Variants in PCDHGA12 observed in about 807,000 individuals in gnomAD.
The protein encoded by PCDHGA12 is protocadherin gamma subfamily A, 12.
Under a neutral mutation model 61.1 loss-of-function variants are expected in PCDHGA12, and 43 were observed. That is an observed-to-expected ratio of 0.70 (90% CI 0.55 to 0.91). The LOEUF (loss-of-function observed/expected upper bound fraction) is 0.91, where lower values mean the gene tolerates loss of function less well. Ranked by LOEUF, PCDHGA12 falls within the 40% of genes least tolerant of loss-of-function variation. The pLI, the probability that PCDHGA12 is intolerant of heterozygous loss-of-function variation, is 0.00. For synonymous variants in PCDHGA12, 520 were observed against 542.9 expected (o/e 0.96, Z 0.59); for missense variants, 1,236 against 1,227.7 (o/e 1.01, Z -0.10).
At chr5:141,488,594 C>T (rs1398982317) in intron 1 of PCDHGA12, among the ~76,000 whole-genome samples, 3 of 152,164 alleles carry the variant, frequency 2.0e-5, no homozygotes, top group African/African-American at 7.2e-5. Context: ...CAGGGCAAGA[C>T]TTTACAAGGT....
chr5:141,435,934 T>A (rs1311888999), intron 1 of PCDHGA12, among the ~76,000 whole-genome samples: 2 of 152,160 alleles, frequency 1.3e-5, no homozygotes, highest in Non-Finnish European at 2.9e-5. Flanking sequence ...CAGTTGCTGC[T>A]TCTGAGACCA....
At position 141,486,548 on chromosome 5, in the gene PCDHGA12, T is replaced by C; in HGVS notation, c.2425-8259T>C. 1 of 1,614,100 alleles carries C rather than the reference T, an allele frequency of 6.2e-7. No individual in the cohort carries two copies. ...TAATCCACCCTCTTTCTTTCAGAGG[T>C]CACATGAGGTGTTTGTTCCTGAGAA... is the stretch of plus-strand genomic sequence containing the variant. On this transcript the variant is annotated intron_variant, in intron 1 of 3. Coordinates refer to ENST00000252085, the MANE Select transcript of PCDHGA12 (RefSeq NM_003735.3). The surrounding 1 kb of genome is among the most constrained non-coding windows in gnomAD (Gnocchi z 5.0).
intron 2 of PCDHGA12, 114 bp from the exon 3 acceptor site, chr5:141,505,279 C>T: frequency 6.5e-7 from 1 of 1,541,274 alleles, no homozygotes; most frequent in Non-Finnish European, 8.7e-7. Context: ...AGAAACAGGT[C>T]TTGGGCATGG....
chr5:141,461,286 C>T (rs2099012487), intron 1 of PCDHGA12, among the ~76,000 whole-genome samples: 1 of 152,144 alleles, frequency 6.6e-6, no homozygotes, highest in Admixed American at 6.6e-5. Context: ...TTCCCCACAT[C>T]CACACCAACA....
intron 1 of PCDHGA12, chr5:141,441,746 C>A: frequency 5.4e-6 from 2 of 371,314 alleles, no homozygotes; most frequent in East Asian, 9.8e-5. Flanking sequence ...TCGCGCTCGG[C>A]GTCAACGTGA....
intron 1 of PCDHGA12, among the ~76,000 whole-genome samples, chr5:141,452,585 G>A (rs1310395736): frequency 6.6e-6 from 1 of 151,984 alleles, no homozygotes; most frequent in Non-Finnish European, 1.5e-5. Context: ...TTCCATCTTT[G>A]TATTTTTATT....
At chr5:141,488,578 G>A (rs1286219713) in intron 1 of PCDHGA12, among the ~76,000 whole-genome samples, 2 of 152,178 alleles carry the variant, frequency 1.3e-5, no homozygotes, top group Non-Finnish European at 2.9e-5. Flanking sequence ...AGCATTGCTG[G>A]AGAGTCAGGG....
rs2099883868 is a variant in PCDHGA12 at position 141,511,590 on chromosome 5, A to G, written c.*417A>G. On this transcript the variant is annotated 3_prime_UTR_variant, in exon 4 of 4. Transcript: ENST00000252085. The stretch of plus-strand genomic sequence containing the variant: ...AGTAAGGTGGTTGGGGTGTTGAAGT[A>G]CCAAGTAACCTACAAGCCTCCTAGT... 3.7e-6 allele frequency: 1 copy of G among 267,908 alleles called. No individual in the cohort carries two copies. The highest frequency in any genetic ancestry group is 7.4e-6 in the Non-Finnish European group (1 of 135,038). 16.6% of individuals were successfully genotyped at this position (267,908 alleles called of 1,614,324 possible). A position where few individuals can be genotyped will look rare whatever the true frequency, so the allele number is the denominator to read the frequency against.
In PCDHGA12 at chr5:141,491,797, G is replaced by T. The variant is rs537755017; in HGVS notation, c.2425-3010G>T. The stretch of plus-strand genomic sequence containing the variant: ...ATTGAACTTGCATCCACTCCTCTCC[G>T]GCCGGCTTGGTCGCTGGCTGCGCTC... On this transcript the variant is annotated intron_variant, in intron 1 of 3. Coordinates refer to ENST00000252085, the MANE Select transcript of PCDHGA12 (RefSeq NM_003735.3). The surrounding 1 kb of genome is among the most constrained non-coding windows in gnomAD (Gnocchi z 6.9). 2.0e-6 allele frequency: 3 copies of T among 1,506,818 alleles called. No homozygotes were observed. The highest frequency in any genetic ancestry group is 2.4e-5 in the Admixed American group (1 of 41,734). 93.3% of individuals were successfully genotyped at this position (1,506,818 alleles called of 1,614,324 possible). A position where few individuals can be genotyped will look rare whatever the true frequency, so the allele number is the denominator to read the frequency against.
rs1056696427 is a variant in PCDHGA12 at position 141,430,575 on chromosome 5, A to T, written c.-185A>T. ...ACCAATCGGGGAGAGAAAAGCGGAGATCCTGCTCGCCTTGCACGCGCCTGA... is the reference window on the plus strand; with the variant it reads ...ACCAATCGGGGAGAGAAAAGCGGAGTTCCTGCTCGCCTTGCACGCGCCTGA... On this transcript the variant is annotated 5_prime_UTR_variant, in exon 1 of 4. Transcript: ENST00000252085. 1 of 455,822 alleles carries T rather than the reference A, an allele frequency of 2.2e-6. No individual in the cohort carries two copies. The highest frequency in any genetic ancestry group is 3.7e-6 in the Non-Finnish European group (1 of 270,088). 28.2% of individuals were successfully genotyped at this position (455,822 alleles called of 1,614,324 possible).
chr5:141,495,642 C>T (rs1294293252), intron 2 of PCDHGA12, among the ~76,000 whole-genome samples: 1 of 152,208 alleles, frequency 6.6e-6, no homozygotes. Flanking sequence ...TTTCATTTGT[C>T]TACTTGCATT....
intron 2 of PCDHGA12, among the ~76,000 whole-genome samples, chr5:141,499,937 C>T (rs1257575594): frequency 6.6e-6 from 1 of 152,082 alleles, no homozygotes; most frequent in Non-Finnish European, 1.5e-5. Context: ...ATCCACCCTC[C>T]TCGGCCTCCC....
At chr5:141,444,152 ATTTTTTTTTTTTTTTTTTT>A (rs747671382) in intron 1 of PCDHGA12, among the ~76,000 whole-genome samples, 14 of 33,898 alleles carry the variant, frequency 4.1e-4, no homozygotes, top group South Asian at 3.1e-3. Flanking sequence ...TGTGTACTGG[ATTTTTTTTTTTTTTTTTTT>A]TTTTTTTTTT....
intron 1 of PCDHGA12, among the ~76,000 whole-genome samples, chr5:141,482,793 C>T (rs900216099): frequency 3.9e-5 from 5 of 128,974 alleles, no homozygotes; most frequent in Non-Finnish European, 8.1e-5. Flanking sequence ...TGTGTGTGGC[C>T]GGGTACGGTG....
At position 141,490,664 on chromosome 5, in the gene PCDHGA12, C is replaced by T; in HGVS notation, c.2425-4143C>T. 6.2e-7 allele frequency: 1 copy of T among 1,614,212 alleles called. No homozygotes were observed. The highest frequency in any genetic ancestry group is 1.1e-5 in the South Asian group (1 of 91,084). On this transcript the variant is annotated intron_variant, in intron 1 of 3. Coordinates refer to ENST00000252085, the MANE Select transcript of PCDHGA12 (RefSeq NM_003735.3). The surrounding 1 kb of genome is among the most constrained non-coding windows in gnomAD (Gnocchi z 5.4). ...CGGCCTCCGGGCTCCCTTCTTTGCA[C>T]TGTGGCTGCCTCAGATCCAGACACT...
rs1476740920 is a variant in PCDHGA12, at chr5:141,443,326, A to AC, written c.2424+10143_2424+10144insC. Among the ~76,000 whole-genome samples the AC allele has an allele frequency of 3.3e-5, 5 of 151,792 alleles. No homozygotes were observed. The South Asian group carries it at 8.3e-4, about 25-fold the overall frequency. ...CAAAAACCCATCTCTACAAAAAAAA[A>AC]AAACAAAAATTAACAAGGTTTAGTG... On this transcript the variant is annotated intron_variant, in intron 1 of 3. Transcript: ENST00000252085.
intron 1 of PCDHGA12, chr5:141,479,521 T>C (rs4912607): frequency 0.2 from 30,680 of 152,154 alleles, 3,215 homozygotes; most frequent in Admixed American, 0.29. Flanking sequence ...CTGGCCCAGG[T>C]TGGAAGTGGA....
At position 141,431,108 on chromosome 5, in the gene PCDHGA12, T is replaced by C; in HGVS notation, c.349T>C (p.Tyr117His). 1 of 1,614,180 alleles carries C rather than the reference T, an allele frequency of 6.2e-7. No homozygotes were observed. The highest frequency in any genetic ancestry group is 8.5e-7 in the Non-Finnish European group (1 of 1,180,032). The change falls in exon 1 of 4, where the codon TAT becomes CAT. Residue 117 changes from tyrosine to histidine, a missense_variant. Tyr to His is a moderately conservative substitution (Grantham distance 83). Coordinates refer to ENST00000252085, the MANE Select transcript of PCDHGA12 (RefSeq NM_003735.3). This position sits in a 1 kb window ranked among gnomAD's most constrained non-coding sequence, Gnocchi z 4.8. ...DILMEDKVKI[Y>H]GVEVEVRDIN... ...TCTGATGGAGGATAAAGTGAAAATATATGGAGTAGAAGTAGAAGTAAGGGA... is the reference window on the plus strand; with the variant it reads ...TCTGATGGAGGATAAAGTGAAAATACATGGAGTAGAAGTAGAAGTAAGGGA...
chr5:141,436,287 T>A (rs565612572), intron 1 of PCDHGA12, among the ~76,000 whole-genome samples: 1 of 152,262 alleles, frequency 6.6e-6, no homozygotes, highest in Admixed American at 6.5e-5. Context: ...TAGGAACAAA[T>A]CATTGAGAGT....
Sources: allele counts gnomAD v4.1 joint callset (sites outside exome capture counted in the v4.1 genomes callset), GRCh38; gene constraint gnomAD v4.1.1; non-coding constraint Gnocchi (gnomAD v3.1); transcripts MANE v1.5; gene names NCBI Gene and HGNC (gene_info 2026-07-23, HGNC 2026-07-21).